The following CDH18 variants were observed in gnomAD, a reference collection of about 807,000 sequenced individuals.
The protein encoded by CDH18 is cadherin-18.
A neutral mutation model predicts 67.9 loss-of-function variants in CDH18; 31 were observed. That is an observed-to-expected ratio of 0.46 (90% CI 0.34 to 0.62). The LOEUF is 0.62. CDH18 is among the 20% of genes least tolerant of loss of function. CDH18 has a pLI of 0.01. For synonymous variants in CDH18, 362 were observed against 347.2 expected (o/e 1.04, Z -0.48); for missense variants, 890 against 975.5 (o/e 0.91, Z 1.17).
chr5:20,007,537 T>C lies in CDH18; in HGVS notation c.-517-15523A>G, dbSNP rs75531175. ...TGAATACGAAAGGAATTTTTAAGCA[T>C]GACTCAAAATATAGAAATGATGGAT... On this transcript the variant is annotated intron_variant, in intron 2 of 14. Coordinates refer to the CDH18 transcript ENST00000507958. Among the ~76,000 whole-genome samples, 494 of 152,240 alleles carry C rather than the reference T, an allele frequency of 3.2e-3. 6 individuals carry two copies. Among genetic ancestry groups the C allele is most frequent in the African/African-American group, 9.8e-3 (406 of 41,566 alleles).
intron 2 of CDH18, among the ~76,000 whole-genome samples, chr5:20,081,936 C>T (rs1744511182): frequency 6.6e-6 from 1 of 151,978 alleles, no homozygotes; most frequent in Non-Finnish European, 1.5e-5. Context: ...ACCCCTGAAC[C>T]TAAAATAAGA....
chr5:19,940,844 T>A (rs1273756662), intron 2 of CDH18, among the ~76,000 whole-genome samples: 4 of 152,096 alleles, frequency 2.6e-5, no homozygotes, highest in African/African-American at 7.2e-5. Context: ...TTATTCTGTA[T>A]TGTTTGCATA....
chr5:19,875,438 A>AGATC (rs1554055347), intron 2 of CDH18, among the ~76,000 whole-genome samples: 34 of 116,960 alleles, frequency 2.9e-4, no homozygotes, highest in East Asian at 9.7e-4. Context: ...ATAGATAGAT[A>AGATC]GATCGATCGA....
chr5:20,205,770 T>A (rs1739830798), intron 2 of CDH18, among the ~76,000 whole-genome samples: 1 of 151,744 alleles, frequency 6.6e-6, no homozygotes, highest in Admixed American at 6.6e-5. Context: ...GACTAACATG[T>A]GAATGAAGAA....
chr5:20,130,005 T>C (rs1272627197), intron 2 of CDH18, among the ~76,000 whole-genome samples: 1 of 151,366 alleles, frequency 6.6e-6, no homozygotes, highest in Non-Finnish European at 1.5e-5. Context: ...GACATGAATA[T>C]AGACAGCTAG....
intron 5 of CDH18, among the ~76,000 whole-genome samples, chr5:19,682,933 G>A (rs1442773351): frequency 6.6e-6 from 1 of 151,832 alleles, no homozygotes; most frequent in Non-Finnish European, 1.5e-5. Context: ...TACTACTACG[G>A]GAGTTAATTA....
chr5:19,544,602 C>A (rs1736000071), intron 8 of CDH18, among the ~76,000 whole-genome samples: 1 of 152,004 alleles, frequency 6.6e-6, no homozygotes, highest in Non-Finnish European at 1.5e-5. Context: ...CTCTTCAATT[C>A]ATGTAATTTT....
chr5:20,235,428 A>G (rs557292268), intron 2 of CDH18, among the ~76,000 whole-genome samples: 2 of 152,150 alleles, frequency 1.3e-5, no homozygotes, highest in African/African-American at 4.8e-5. Context: ...CAAATCAACA[A>G]GCAAAAAATG....
intron 6 of CDH18, among the ~76,000 whole-genome samples, chr5:19,605,445 T>C (rs1747876128): frequency 6.6e-6 from 1 of 152,040 alleles, no homozygotes; most frequent in African/African-American, 2.4e-5. Context: ...AAAGTTAATT[T>C]AATAATTTCA....
At chr5:20,288,876 T>C (rs890659626) in intron 1 of CDH18, among the ~76,000 whole-genome samples, 1 of 152,090 alleles carries the variant, frequency 6.6e-6, no homozygotes, top group African/African-American at 2.4e-5. Context: ...ACAGTTAAGA[T>C]ATATTTCAAA....
intron 2 of CDH18, among the ~76,000 whole-genome samples, chr5:20,162,343 GAAAGCTGGTCATTAATTAA>G (rs1160821462): frequency 6.7e-6 from 1 of 150,150 alleles, no homozygotes; most frequent in African/African-American, 2.4e-5. Flanking sequence ...CTTTGCAGCA[GAAAGCTGGTCATTAATTAA>G]AAATGATTTC....
intron 2 of CDH18, among the ~76,000 whole-genome samples, chr5:20,026,037 A>T (rs1254015993): frequency 6.6e-6 from 1 of 152,180 alleles, no homozygotes; most frequent in Non-Finnish European, 1.5e-5. Flanking sequence ...ATTCTAAAAC[A>T]TTGCTGTATT....
intron 3 of CDH18, among the ~76,000 whole-genome samples, chr5:19,824,898 C>G (rs1034991839): frequency 2.0e-5 from 3 of 152,172 alleles, no homozygotes; most frequent in African/African-American, 7.2e-5. Flanking sequence ...GTGGGTACAA[C>G]CTTCTATTGT....
rs567558232 is a variant in CDH18, at chr5:20,426,126, A to C, written c.-580+149336T>G. ...CATTATTCCTAATTCCATCTCCATC[A>C]CTTATTGTGTGACCTTGGCCAAGTT... On this transcript the variant is annotated intron_variant, in intron 1 of 14. Coordinates refer to the CDH18 transcript ENST00000507958. Among the ~76,000 whole-genome samples the C allele has an allele frequency of 1.1e-4, 16 of 151,254 alleles. No homozygotes were observed. The East Asian group carries it at 2.5e-3, about 24-fold the overall frequency.
intron 8 of CDH18, among the ~76,000 whole-genome samples, chr5:19,561,907 A>C (rs1022258730): frequency 5.3e-5 from 8 of 152,126 alleles, no homozygotes; most frequent in African/African-American, 1.9e-4. Flanking sequence ...CCATTAATCA[A>C]TCTCAGTGTT....
chr5:19,913,050 T>C (rs1791328789), intron 2 of CDH18, among the ~76,000 whole-genome samples: 1 of 152,106 alleles, frequency 6.6e-6, no homozygotes, highest in Admixed American at 6.6e-5. Flanking sequence ...TATCCATCAC[T>C]GTGGAGAGAA....
At chr5:19,657,201 G>A (rs1206707786) in intron 5 of CDH18, among the ~76,000 whole-genome samples, 1 of 151,980 alleles carries the variant, frequency 6.6e-6, no homozygotes, top group Non-Finnish European at 1.5e-5. Context: ...CAAAGCTTTT[G>A]TGTATACATA....
chr5:20,204,106 A>C (rs995204455), intron 2 of CDH18, among the ~76,000 whole-genome samples: 1 of 152,100 alleles, frequency 6.6e-6, no homozygotes, highest in East Asian at 1.9e-4. Flanking sequence ...AAACTTCTCA[A>C]AACTTGAGAA....
chr5:20,138,015 A>C (rs1338750436), intron 2 of CDH18, among the ~76,000 whole-genome samples: 1 of 152,156 alleles, frequency 6.6e-6, no homozygotes, highest in Non-Finnish European at 1.5e-5. Flanking sequence ...CAACAAAAAA[A>C]GAGAATTTTA....
Sources: gnomAD v4.1 joint callset for allele counts (sites outside exome capture counted in the v4.1 genomes callset) on GRCh38, gnomAD v4.1.1 for gene constraint, MANE v1.5 for transcripts, NCBI Gene and HGNC (gene_info 2026-07-23, HGNC 2026-07-21) for gene names.